Variants in GMDS observed in about 807,000 individuals in gnomAD.
GMDS encodes the protein GDP-mannose 4,6 dehydratase.
Under a neutral mutation model 49.9 loss-of-function variants are expected in GMDS, and 20 were observed. The observed-to-expected ratio is 0.40, with a 90% CI of 0.28 to 0.58. GMDS has a LOEUF of 0.58. Among genes scored for constraint, GMDS ranks in the 20% least tolerant of loss-of-function variants. GMDS has a pLI of 0.42. For missense variants in GMDS, 362 were observed against 481.4 expected (o/e 0.75, Z 2.32); for synonymous variants, 177 against 178.6 (o/e 0.99, Z 0.07).
chr6:1,736,739 G>C (rs1767014139), intron 8 of GMDS, among the ~76,000 whole-genome samples: 1 of 152,194 alleles, frequency 6.6e-6, no homozygotes, highest in African/African-American at 2.4e-5. Context: ...ATACAGAGCT[G>C]CAGTGAGTTT....
At chr6:2,156,146 T>G (rs1406706677) in intron 1 of GMDS, among the ~76,000 whole-genome samples, 1 of 152,192 alleles carries the variant, frequency 6.6e-6, no homozygotes, top group Non-Finnish European at 1.5e-5. Context: ...TTGATACCAC[T>G]TTCTGATTCG....
intron 6 of GMDS, chr6:1,949,019 C>T: frequency 1.1e-6 from 1 of 937,420 alleles, no homozygotes; most frequent in Non-Finnish European, 1.3e-6. Context: ...GTAGCCACAG[C>T]AATCCCACTA....
intron 7 of GMDS, among the ~76,000 whole-genome samples, chr6:1,871,884 G>T (rs1045912876): frequency 6.6e-6 from 1 of 152,192 alleles, no homozygotes; most frequent in Non-Finnish European, 1.5e-5. Flanking sequence ...GAATGAGGAC[G>T]AAGATACTGC....
intron 4 of GMDS, among the ~76,000 whole-genome samples, chr6:1,995,896 T>G (rs2127371161): frequency 6.6e-6 from 1 of 151,680 alleles, no homozygotes; most frequent in Non-Finnish European, 1.5e-5. Flanking sequence ...ACTTCTTTGT[T>G]TAACAATGCC....
chr6:2,226,332 G>C (rs750091934), intron 1 of GMDS, among the ~76,000 whole-genome samples: 4 of 152,214 alleles, frequency 2.6e-5, no homozygotes, highest in Non-Finnish European at 5.9e-5. Context: ...TGTCAGAGCT[G>C]TAGGAGACCT....
chr6:2,082,342 G>T (rs1370354863), intron 4 of GMDS, among the ~76,000 whole-genome samples: 5 of 152,142 alleles, frequency 3.3e-5, no homozygotes, highest in African/African-American at 1.2e-4. Flanking sequence ...GAGGTACTGC[G>T]ACAGGGAGAC....
chr6:1,736,673 T>G (rs1767011411), intron 8 of GMDS, among the ~76,000 whole-genome samples: 1 of 152,196 alleles, frequency 6.6e-6, no homozygotes, highest in Admixed American at 6.5e-5. Context: ...GTTAAATCTA[T>G]CTCAGGGATC....
chr6:1,848,251 T>TA (rs1016985014), intron 7 of GMDS, among the ~76,000 whole-genome samples: 1 of 152,192 alleles, frequency 6.6e-6, no homozygotes, highest in Admixed American at 6.5e-5. Context: ...AGTGCTCCGT[T>TA]ATGTAGCCTC....
At chr6:1,708,328 G>A (rs1295721778) in intron 9 of GMDS, among the ~76,000 whole-genome samples, 2 of 152,260 alleles carry the variant, frequency 1.3e-5, no homozygotes, top group Non-Finnish European at 2.9e-5. Context: ...AGCAGGCAGC[G>A]AAGCGTGTTT....
At chr6:2,096,580 G>A (rs1436213607) in intron 4 of GMDS, among the ~76,000 whole-genome samples, 1 of 152,048 alleles carries the variant, frequency 6.6e-6, no homozygotes. Context: ...GCTGTCAGTA[G>A]GTCAAACACA....
chr6:1,776,815 C>A (rs558286479), intron 7 of GMDS, among the ~76,000 whole-genome samples: 2 of 152,272 alleles, frequency 1.3e-5, no homozygotes, highest in African/African-American at 4.8e-5. Context: ...TCTATCTGGG[C>A]ACTTAGCTTG....
chr6:1,661,223 A>G (rs2569831), intron 9 of GMDS, among the ~76,000 whole-genome samples: 33,044 of 152,046 alleles, frequency 0.22, 3,849 homozygotes, highest in East Asian at 0.52. Context: ...ATTTGGGTTA[A>G]ATCCTCATGG....
At chr6:2,073,473 T>C (rs541165769) in intron 4 of GMDS, among the ~76,000 whole-genome samples, 4 of 152,336 alleles carry the variant, frequency 2.6e-5, no homozygotes, top group African/African-American at 9.6e-5. Context: ...ATTCATCACC[T>C]TGGGTATTTA....
At chr6:2,073,254 A>C (rs1772120849) in intron 4 of GMDS, among the ~76,000 whole-genome samples, 1 of 152,242 alleles carries the variant, frequency 6.6e-6, no homozygotes, top group South Asian at 2.1e-4. Context: ...GGAAAGGCAG[A>C]GCATCAGTCT....
At chr6:1,757,053 T>C (rs773032282) in intron 7 of GMDS, among the ~76,000 whole-genome samples, 2 of 152,166 alleles carry the variant, frequency 1.3e-5, no homozygotes, top group African/African-American at 2.4e-5. Context: ...CAAAGAGCTA[T>C]CTTGTGATAA....
At chr6:1,968,062 A>G (rs899814806) in intron 4 of GMDS, among the ~76,000 whole-genome samples, 1 of 152,226 alleles carries the variant, frequency 6.6e-6, no homozygotes, top group Non-Finnish European at 1.5e-5. Flanking sequence ...CAAATAAAAC[A>G]AATGACAACA....
At chr6:2,195,833 A>C (rs145107862) in intron 1 of GMDS, among the ~76,000 whole-genome samples, 2,947 of 151,144 alleles carry the variant, frequency 0.019, 102 homozygotes, top group African/African-American at 0.065. Flanking sequence ...AAAAAAAAAA[A>C]AAGTTAATAA....
chr6:1,968,228 A>G (rs1581436405), intron 4 of GMDS, among the ~76,000 whole-genome samples: 2 of 152,264 alleles, frequency 1.3e-5, no homozygotes, highest in East Asian at 3.8e-4. Flanking sequence ...TATATTGACT[A>G]GTCATAATAA....
chr6:2,182,931 C>G (rs1778619735), intron 1 of GMDS, among the ~76,000 whole-genome samples: 1 of 152,158 alleles, frequency 6.6e-6, no homozygotes, highest in South Asian at 2.1e-4. Context: ...TGGTCTCAAG[C>G]TCCTGGGCTC....
Sources: gnomAD v4.1 joint callset for allele counts (sites outside exome capture counted in the v4.1 genomes callset) on GRCh38, gnomAD v4.1.1 for gene constraint, MANE v1.5 for transcripts, NCBI Gene and HGNC (gene_info 2026-07-23, HGNC 2026-07-21) for gene names.